Variants in EXT1 observed in about 807,000 individuals in gnomAD.
EXT1 encodes the protein exostosin-1.
A neutral mutation model predicts 82.5 loss-of-function variants in EXT1; 20 were observed. The observed-to-expected ratio is 0.24, with a 90% confidence interval of 0.17 to 0.35. EXT1 has a LOEUF of 0.35. Ranked by LOEUF, EXT1 falls within the 10% of genes least tolerant of loss-of-function variation. EXT1 has a pLI of 1.00. For missense variants in EXT1, 757 were observed against 936.5 expected (o/e 0.81, Z 2.50); for synonymous variants, 348 against 350.8 (o/e 0.99, Z 0.09).
At chr8:117,800,079 G>A (rs546998891) in intron 10 of EXT1, among the ~76,000 whole-genome samples, 182 bp from the exon 11 acceptor site, 2 of 152,272 alleles carry the variant, frequency 1.3e-5, no homozygotes, top group African/African-American at 4.8e-5. Context: ...TTTTCCCAAG[G>A]TATGCTACGT....
intron 1 of EXT1, among the ~76,000 whole-genome samples, chr8:117,894,617 A>G (rs1813303884): frequency 2.0e-5 from 3 of 152,210 alleles, no homozygotes; most frequent in African/African-American, 7.2e-5. Context: ...CGGGAGAGAT[A>G]CGTCCCTTTG....
intron 1 of EXT1, among the ~76,000 whole-genome samples, chr8:118,087,318 A>T (rs181263628): frequency 6.6e-6 from 1 of 152,364 alleles, no homozygotes; most frequent in Admixed American, 6.5e-5. Flanking sequence ...GAATCGTTTC[A>T]TCAGATATTC....
At position 117,960,470 on chromosome 8, in the gene EXT1, TCAC is replaced by T. The variant is rs1814677829; in HGVS notation, c.963-123272_963-123270del. On this transcript the variant is annotated intron_variant, in intron 1 of 10. Transcript: ENST00000378204. ...TTTATCTAAGCCAAACACAAATAAT[TCAC>T]CACCACCATCACCCTGTCTTAGAGG... is the stretch of plus-strand genomic sequence containing the variant. 2.0e-5 allele frequency among the ~76,000 whole-genome samples: 3 copies of T among 152,220 alleles called. No individual in the cohort carries two copies. In the South Asian group the frequency reaches 6.2e-4, roughly 32 times the overall value.
chr8:117,835,876 C>T (rs1392018415), intron 2 of EXT1, among the ~76,000 whole-genome samples: 2 of 152,138 alleles, frequency 1.3e-5, no homozygotes, highest in Non-Finnish European at 2.9e-5. Context: ...AACAAAAGCT[C>T]GCACCAACAA....
intron 1 of EXT1, among the ~76,000 whole-genome samples, chr8:118,027,951 T>C (rs1042381156): frequency 5.3e-5 from 8 of 152,236 alleles, no homozygotes; most frequent in Non-Finnish European, 8.8e-5. Flanking sequence ...TGCTTGATGC[T>C]TGACCTTACT....
Position 117,887,685 on chromosome 8 carries a change from T to C in EXT1, c.963-50484A>G, listed in dbSNP as rs530464190. Among the ~76,000 whole-genome samples the C allele has an allele frequency of 8.5e-5, 3 of 35,442 alleles. No individual in the cohort carries two copies. In the South Asian group the frequency reaches 2.4e-3, roughly 29 times the overall value. 23.3% of individuals were successfully genotyped at this position (35,442 alleles called of 152,430 possible). On this transcript the variant is annotated intron_variant, in intron 1 of 10. Coordinates refer to ENST00000378204, the MANE Select transcript of EXT1 (RefSeq NM_000127.3). Reference sequence around the variant, plus strand: ...CTCTTTCTATTCATTAGTTTCTCTCTTTCTCATTGCTTATCTGACCTCTCT... The same window carrying C: ...CTCTTTCTATTCATTAGTTTCTCTCCTTCTCATTGCTTATCTGACCTCTCT...
At chr8:117,848,491 G>T (rs1221796832) in intron 1 of EXT1, among the ~76,000 whole-genome samples, 1 of 152,302 alleles carries the variant, frequency 6.6e-6, no homozygotes, top group East Asian at 1.9e-4. Context: ...CTGGAAAGAG[G>T]CTGTGGGACA....
intron 1 of EXT1, among the ~76,000 whole-genome samples, chr8:117,910,309 G>C (rs1358950231): frequency 1.3e-5 from 2 of 152,158 alleles, no homozygotes; most frequent in Non-Finnish European, 2.9e-5. Context: ...AGGCAAATAA[G>C]AGCAAGAGTG....
intron 1 of EXT1, among the ~76,000 whole-genome samples, chr8:117,844,240 C>A (rs111767789): frequency 2.2e-4 from 33 of 152,016 alleles, no homozygotes; most frequent in South Asian, 2.1e-3. Context: ...GCAGCCCCGA[C>A]CTCCTGGGCT....
chr8:118,033,993 C>A (rs1490635058), intron 1 of EXT1, among the ~76,000 whole-genome samples: 1 of 152,002 alleles, frequency 6.6e-6, no homozygotes, highest in East Asian at 1.9e-4. Flanking sequence ...AGAAGGCAAA[C>A]TAAGAATAAA....
At chr8:117,928,852 G>A (rs539926947) in intron 1 of EXT1, among the ~76,000 whole-genome samples, 3 of 151,960 alleles carry the variant, frequency 2.0e-5, no homozygotes, top group South Asian at 4.2e-4. Flanking sequence ...ATTTCCTTAC[G>A]GAGCAAGTAC....
intron 1 of EXT1, among the ~76,000 whole-genome samples, chr8:117,991,720 C>A (rs1177655964): frequency 6.6e-6 from 1 of 152,096 alleles, no homozygotes; most frequent in Admixed American, 6.6e-5. Flanking sequence ...TACCACCACA[C>A]CCAACTAATT....
chr8:117,819,872 G>T, intron 5 of EXT1, 78 bp from the exon 6 acceptor site: 1 of 1,315,198 alleles, frequency 7.6e-7, no homozygotes, highest in East Asian at 2.3e-5. Context: ...TTGCTCCGCT[G>T]CCTCATGCTG....
intron 4 of EXT1, among the ~76,000 whole-genome samples, chr8:117,827,211 G>A (rs144713360): frequency 1.4e-4 from 22 of 152,132 alleles, no homozygotes; most frequent in Non-Finnish European, 3.1e-4. Context: ...TAGGCTCTTT[G>A]GCTCATTAAA....
chr8:117,882,319 G>A (rs1052265598), intron 1 of EXT1, among the ~76,000 whole-genome samples: 1 of 152,122 alleles, frequency 6.6e-6, no homozygotes, highest in African/African-American at 2.4e-5. Context: ...CTGACCTCAA[G>A]TGATCCGCCC....
At chr8:117,892,147 G>T (rs892394169) in intron 1 of EXT1, among the ~76,000 whole-genome samples, 7 of 152,172 alleles carry the variant, frequency 4.6e-5, no homozygotes, top group Non-Finnish European at 8.8e-5. Context: ...GGTAGAGGTT[G>T]GCTCCATCCT....
At chr8:117,987,536 C>A (rs1346349401) in intron 1 of EXT1, among the ~76,000 whole-genome samples, 1 of 152,234 alleles carries the variant, frequency 6.6e-6, no homozygotes, top group South Asian at 2.1e-4. Context: ...CATGGCTGCA[C>A]AGCTCATTTA....
At chr8:117,881,552 T>A (rs10099089) in intron 1 of EXT1, among the ~76,000 whole-genome samples, 3,457 of 152,160 alleles carry the variant, frequency 0.023, 142 homozygotes, top group African/African-American at 0.08. Context: ...GCAACTTGAG[T>A]CAAGGGGTAA....
At chr8:117,915,653 G>A (rs1039199998) in intron 1 of EXT1, among the ~76,000 whole-genome samples, 4 of 152,086 alleles carry the variant, frequency 2.6e-5, no homozygotes, top group East Asian at 1.9e-4. Flanking sequence ...TGAGGAGTTC[G>A]AGACCAGCCT....
Sources: allele counts gnomAD v4.1 joint callset (sites outside exome capture counted in the v4.1 genomes callset), GRCh38; gene constraint gnomAD v4.1.1; transcripts MANE v1.5; gene names NCBI Gene and HGNC (gene_info 2026-07-23, HGNC 2026-07-21).